Variants in AKT3 observed in about 807,000 individuals in gnomAD.
The protein encoded by AKT3 is RAC-gamma serine/threonine-protein kinase.
A neutral mutation model predicts 65.3 loss-of-function variants in AKT3; 15 were observed. The observed-to-expected ratio is 0.23, with a 90% CI of 0.15 to 0.35. AKT3 has a LOEUF of 0.35. Ranked by LOEUF, AKT3 falls within the 10% of genes least tolerant of loss-of-function variation. The pLI is 1.00. For synonymous variants in AKT3, 206 were observed against 183.8 expected (o/e 1.12, Z -0.98); for missense variants, 243 against 576.5 (o/e 0.42, Z 5.92).
intron 2 of AKT3, among the ~76,000 whole-genome samples, chr1:243,712,853 C>T (rs1686247254): frequency 6.6e-6 from 1 of 152,094 alleles, no homozygotes; most frequent in Non-Finnish European, 1.5e-5. Context: ...ATCTCTAACA[C>T]CTAATGTCAA....
intron 2 of AKT3, among the ~76,000 whole-genome samples, chr1:243,817,703 G>A (rs1033316258): frequency 2.0e-5 from 3 of 152,224 alleles, no homozygotes; most frequent in Admixed American, 1.3e-4. Context: ...TCGTGCCACT[G>A]CACTCCAGAT....
chr1:243,527,904 C>CTCTTAAA lies in AKT3; in HGVS notation c.1252-15479_1252-15478insTTTAAGA, dbSNP rs879369219. 5.8e-3 allele frequency among the ~76,000 whole-genome samples: 672 copies of CTCTTAAA among 115,740 alleles called. 17 individuals carry two copies. The highest frequency in any genetic ancestry group is 0.027 in the African/African-American group (630 of 23,022). The allele number at this position is 115,740 out of a possible 152,430, so 75.9% of individuals were successfully genotyped here. ...ACACACACACACACACACACACACA[C>CTCTTAAA]ACACACACACACACACACACACACA... On this transcript the variant is annotated intron_variant, in intron 12 of 13. Transcript: ENST00000673466.
intron 8 of AKT3, among the ~76,000 whole-genome samples, chr1:243,606,968 C>T (rs1677476302): frequency 6.6e-6 from 1 of 152,242 alleles, no homozygotes; most frequent in African/African-American, 2.4e-5. Flanking sequence ...TGGCAGCTTC[C>T]ATGTGGTGTT....
intron 3 of AKT3, among the ~76,000 whole-genome samples, chr1:243,680,725 C>A (rs977336735): frequency 1.3e-5 from 2 of 152,030 alleles, no homozygotes; most frequent in African/African-American, 4.8e-5. Context: ...TAACTTACTG[C>A]AAATATTCAG....
intron 2 of AKT3, among the ~76,000 whole-genome samples, chr1:243,828,523 T>C (rs954627583): frequency 6.6e-6 from 1 of 152,196 alleles, no homozygotes. Flanking sequence ...ACTCCTGAGA[T>C]AGCAATACCA....
At chr1:243,699,465 CTATATATATATATATATATA>C (rs58911364) in intron 2 of AKT3, among the ~76,000 whole-genome samples, 6,099 of 103,510 alleles carry the variant, frequency 0.059, 351 homozygotes, top group South Asian at 0.1. Flanking sequence ...ACCTCTTCCA[CTATATATATATATATATATA>C]TATATATATA....
chr1:243,835,155 T>C (rs1053139679), intron 2 of AKT3, among the ~76,000 whole-genome samples: 50 of 152,178 alleles, frequency 3.3e-4, no homozygotes, highest in African/African-American at 1.2e-3. Context: ...TGGGATACTA[T>C]TCCGTCCATT....
intron 7 of AKT3, among the ~76,000 whole-genome samples, chr1:243,614,188 C>G (rs1678112861): frequency 6.6e-6 from 1 of 152,044 alleles, no homozygotes; most frequent in Non-Finnish European, 1.5e-5. Context: ...CAACAGAACC[C>G]AACCTAACAG....
chr1:243,662,556 T>G (rs1445266329), intron 4 of AKT3, among the ~76,000 whole-genome samples: 1 of 72,894 alleles, frequency 1.4e-5, no homozygotes. Flanking sequence ...GGGACTGTTG[T>G]GGGGTGGGGG....
rs1399381187 is a variant in AKT3 at position 243,501,106 on chromosome 1, A to ACATACG, written c.*4142_*4143insCGTATG. 8.6e-6 allele frequency: 2 copies of ACATACG among 231,232 alleles called. No individual in the cohort carries two copies. Among genetic ancestry groups the ACATACG allele is most frequent in the Non-Finnish European group, 1.7e-5 (2 of 116,908 alleles). The allele number at this position is 231,232 out of a possible 1,614,324, so 14.3% of individuals were successfully genotyped here. A position where few individuals can be genotyped will look rare whatever the true frequency, so the allele number is the denominator to read the frequency against. On this transcript the variant is annotated 3_prime_UTR_variant, in exon 14 of 14. Transcript: ENST00000673466. Reference sequence around the variant, plus strand: ...ATTTGGCCGTGTGACATACACATACATGCTTGACTCACTCTGGTCCCAAAA... The same window carrying ACATACG: ...ATTTGGCCGTGTGACATACACATACACATACGTGCTTGACTCACTCTGGTCCCAAAA...
Position 243,504,949 on chromosome 1 carries a change from C to T in AKT3, c.*300G>A, listed in dbSNP as rs1558573151. The T allele has an allele frequency of 2.8e-6, 1 of 362,588 alleles. No individual in the cohort carries two copies. Among genetic ancestry groups the T allele is most frequent in the African/African-American group, 2.1e-5 (1 of 48,634 alleles). The allele number at this position is 362,588 out of a possible 1,614,324, so 22.5% of individuals were successfully genotyped here. ...TGGTGCACAAATGAACAATGGTGGG[C>T]TCATGACTTCCAAAGGTTGGAAAAT... On this transcript the variant is annotated 3_prime_UTR_variant, in exon 14 of 14. Transcript: ENST00000673466.
chr1:243,743,497 A>C (rs972574517), intron 2 of AKT3, among the ~76,000 whole-genome samples: 6 of 152,208 alleles, frequency 3.9e-5, no homozygotes, highest in Middle Eastern at 3.2e-3. Flanking sequence ...TTATTAAGGA[A>C]AAAAATATTT....
intron 13 of AKT3, among the ~76,000 whole-genome samples, chr1:243,494,605 G>A (rs766138081): frequency 5.3e-5 from 8 of 152,150 alleles, no homozygotes. Context: ...AAAGCGCATA[G>A]GGCTTCATTT....
At chr1:243,522,424 A>C (rs956217970) in intron 12 of AKT3, among the ~76,000 whole-genome samples, 1 of 152,196 alleles carries the variant, frequency 6.6e-6, no homozygotes, top group Non-Finnish European at 1.5e-5. Context: ...GTAGGAGGCC[A>C]AGTTGGGCAG....
intron 13 of AKT3, among the ~76,000 whole-genome samples, chr1:243,491,046 C>G (rs1480553469): frequency 6.6e-6 from 1 of 152,216 alleles, no homozygotes; most frequent in Admixed American, 6.5e-5. Flanking sequence ...CTCTGTCAGA[C>G]CTCAGGTTGT....
At chr1:243,699,472 T>C (rs1220839404) in intron 2 of AKT3, among the ~76,000 whole-genome samples, 6 of 6,018 alleles carry the variant, frequency 1.0e-3, no homozygotes, top group Admixed American at 5.8e-3. Context: ...CCACTATATA[T>C]ATATATATAT....
chr1:243,542,390 C>T (rs940422010), intron 12 of AKT3, among the ~76,000 whole-genome samples: 3 of 152,254 alleles, frequency 2.0e-5, no homozygotes, highest in Admixed American at 6.5e-5. Flanking sequence ...AGTGGTACAT[C>T]ATGCTACTTG....
chr1:243,698,522 AAGC>A (rs1186874168), intron 2 of AKT3, among the ~76,000 whole-genome samples: 1 of 152,070 alleles, frequency 6.6e-6, no homozygotes, highest in Non-Finnish European at 1.5e-5. Flanking sequence ...CTTTTTTATT[AAGC>A]AGATTTTTAA....
At chr1:243,721,582 G>A (rs1686910104) in intron 2 of AKT3, among the ~76,000 whole-genome samples, 1 of 151,976 alleles carries the variant, frequency 6.6e-6, no homozygotes, top group Admixed American at 6.5e-5. Context: ...TAACCCTTAT[G>A]ATGGGGAGGA....
Sources: allele counts gnomAD v4.1 joint callset (sites outside exome capture counted in the v4.1 genomes callset), GRCh38; gene constraint gnomAD v4.1.1; transcripts MANE v1.5; gene names NCBI Gene and HGNC (gene_info 2026-07-23, HGNC 2026-07-21).